PAX1: variants seen among roughly 807,000 people sequenced by gnomAD.
The protein encoded by PAX1 is paired box protein Pax-1.
In PAX1, 18 loss-of-function variants were observed where a neutral mutation model predicts 35.6. The observed-to-expected ratio is 0.50, with a 90% CI of 0.35 to 0.75. The LOEUF is 0.75. PAX1 is among the 30% of genes least tolerant of loss of function. The pLI is 0.01. For synonymous variants in PAX1, 397 were observed against 305.2 expected (o/e 1.30, Z -3.14); for missense variants, 760 against 661.5 (o/e 1.15, Z -1.63).
chr20:21,708,481 C>G (rs7509384), intron 2 of PAX1, 77 bp from the exon 3 acceptor site: 268 of 1,562,818 alleles, frequency 1.7e-4, no homozygotes, highest in Admixed American at 3.3e-4. Context: ...TCTTCAGATA[C>G]AAATTGGGTG....
intron 2 of PAX1, chr20:21,708,282 C>T: frequency 5.2e-6 from 3 of 571,744 alleles, no homozygotes; most frequent in Non-Finnish European, 9.5e-6. Context: ...CCGCTTTGGC[C>T]GAGTCTGCCC....
At chr20:21,712,748 C>T (rs540692348) in intron 4 of PAX1, among the ~76,000 whole-genome samples, 4 of 152,358 alleles carry the variant, frequency 2.6e-5, no homozygotes, top group South Asian at 4.1e-4. Context: ...TAAAAGTAAA[C>T]TTTGTCAAAG....
Position 21,715,029 on chromosome 20 carries a change from A to T in PAX1, c.*467A>T. On this transcript the variant is annotated 3_prime_UTR_variant, in exon 5 of 5. Transcript: ENST00000613128. ...CTTCCAGGGCTCCCTCTGCCCTTCC[A>T]CTCTCTTTTCCTTGCTCCGACCTCT... 1.7e-6 allele frequency: 1 copy of T among 595,914 alleles called. No homozygotes were observed. The highest frequency in any genetic ancestry group is 2.9e-6 in the Non-Finnish European group (1 of 339,396). The allele number at this position is 595,914 out of a possible 1,614,324, so 36.9% of individuals were successfully genotyped here. A position where few individuals can be genotyped will look rare whatever the true frequency, so the allele number is the denominator to read the frequency against.
intron 4 of PAX1, among the ~76,000 whole-genome samples, chr20:21,712,038 C>G (rs1308812261): frequency 1.3e-5 from 2 of 152,150 alleles, no homozygotes; most frequent in Non-Finnish European, 2.9e-5. Context: ...TAATGAAAAG[C>G]AATTTAATAC....
In PAX1 at chr20:21,706,373, A is replaced by C. The variant is rs1450843256; in HGVS notation, c.287-65A>C. 1 of 1,594,932 alleles carries C rather than the reference A, an allele frequency of 6.3e-7. No homozygotes were observed. On this transcript the variant is annotated intron_variant, in intron 1 of 4. Transcript: ENST00000613128. This position sits in a 1 kb window ranked among gnomAD's most constrained non-coding sequence, Gnocchi z 5.3. ...GTGCAGTCCCTCGCTCCGCGTGGGG[A>C]CCCTTGGCTAACCCGCCGGGTGTTT...
At chr20:21,710,245 G>T (rs1379839093) in intron 4 of PAX1, among the ~76,000 whole-genome samples, 2 of 152,076 alleles carry the variant, frequency 1.3e-5, no homozygotes, top group African/African-American at 4.8e-5. Context: ...AGTGTGAGGG[G>T]GATCTTCTCA....
At chr20:21,708,457 G>A (rs1985085488) in intron 2 of PAX1, 101 bp from the exon 3 acceptor site, 2 of 1,397,958 alleles carry the variant, frequency 1.4e-6, no homozygotes, top group Admixed American at 1.7e-5. Context: ...AATTTTGTGG[G>A]ACCCCTGGCC....
intron 4 of PAX1, among the ~76,000 whole-genome samples, chr20:21,713,342 T>G (rs1985254690): frequency 6.6e-6 from 1 of 151,510 alleles, no homozygotes; most frequent in African/African-American, 2.4e-5. Context: ...TCTTTAGACC[T>G]CTTTAAAACC....
chr20:21,714,867 T>A lies in PAX1; in HGVS notation c.*305T>A. 7.1e-7 allele frequency: 1 copy of A among 1,404,390 alleles called. No homozygotes were observed. The highest frequency in any genetic ancestry group is 1.4e-5 in the African/African-American group (1 of 71,232). The allele number at this position is 1,404,390 out of a possible 1,614,324, so 87.0% of individuals were successfully genotyped here. A position where few individuals can be genotyped will look rare whatever the true frequency, so the allele number is the denominator to read the frequency against. On this transcript the variant is annotated 3_prime_UTR_variant, in exon 5 of 5. Transcript: ENST00000613128. ...CCTCCTTCGCTCTGCCAGCTTCAAA[T>A]TTCTTTTTTGTCACTCCCTTGTCCG... is the stretch of plus-strand genomic sequence containing the variant.
chr20:21,713,985 C>G (rs1600329494), intron 4 of PAX1, among the ~76,000 whole-genome samples: 1 of 152,256 alleles, frequency 6.6e-6, no homozygotes, highest in African/African-American at 2.4e-5. Context: ...ACAGCGAGCT[C>G]CGAGCCGCGG....
intron 4 of PAX1, among the ~76,000 whole-genome samples, chr20:21,709,921 C>G (rs991228094): frequency 6.6e-6 from 1 of 152,064 alleles, no homozygotes; most frequent in Non-Finnish European, 1.5e-5. Context: ...AGACCCTTCC[C>G]GTCTCTGCCC....
chr20:21,710,745 T>C (rs1398311740), intron 4 of PAX1, among the ~76,000 whole-genome samples: 1 of 152,128 alleles, frequency 6.6e-6, no homozygotes, highest in Non-Finnish European at 1.5e-5. Flanking sequence ...AACAGTGAAA[T>C]GAAGGGAGAA....
intron 3 of PAX1, 61 bp from the exon 4 acceptor site, chr20:21,709,161 A>T: frequency 7.9e-7 from 1 of 1,269,704 alleles, no homozygotes; most frequent in Non-Finnish European, 1.1e-6. Flanking sequence ...CGTCTCAGTG[A>T]TGGCGTGGGC....
intron 4 of PAX1, among the ~76,000 whole-genome samples, chr20:21,712,606 A>T (rs1411321659): frequency 6.6e-6 from 1 of 152,244 alleles, no homozygotes; most frequent in African/African-American, 2.4e-5. Context: ...CTCTGGAATG[A>T]CTAAAGATTT....
chr20:21,705,704 C>T lies in PAX1; in HGVS notation c.-9C>T, dbSNP rs1416402991. The T allele has an allele frequency of 2.4e-6, 3 of 1,242,588 alleles. No individual in the cohort carries two copies. The highest frequency in any genetic ancestry group is 6.4e-5 in the East Asian group (2 of 31,334). 77.0% of individuals were successfully genotyped at this position (1,242,588 alleles called of 1,614,324 possible). Reference sequence around the variant, plus strand: ...CAGCCTCCCGGTCAGACGAATTTCTCCCAATCGGATGAAGTTCACCCTGGG... The same window carrying T: ...CAGCCTCCCGGTCAGACGAATTTCTTCCAATCGGATGAAGTTCACCCTGGG... On this transcript the variant is annotated 5_prime_UTR_variant, in exon 1 of 5. Coordinates refer to ENST00000613128, the MANE Select transcript of PAX1 (RefSeq NM_001257096.2).
chr20:21,708,199 A>G, intron 2 of PAX1: 1 of 421,298 alleles, frequency 2.4e-6, no homozygotes, highest in South Asian at 2.2e-5. Flanking sequence ...TGAGAAATCA[A>G]TACAATTTTC....
chr20:21,711,853 A>T (rs1985207896), intron 4 of PAX1, among the ~76,000 whole-genome samples: 1 of 152,226 alleles, frequency 6.6e-6, no homozygotes. Context: ...CTTTGGAAAG[A>T]CAGAAAAATA....
Position 21,714,812 on chromosome 20 carries a change from AC to A in PAX1, c.*253del. 6.3e-7 allele frequency: 1 copy of A among 1,596,510 alleles called. No homozygotes were observed. Among genetic ancestry groups the A allele is most frequent in the Non-Finnish European group, 8.5e-7 (1 of 1,176,920 alleles). The stretch of plus-strand genomic sequence containing the variant: ...CTGAACTTGGGTTTTAGACTGCCGT[AC>A]CCTCCTCACAATCCTTGCTCTGACG... On this transcript the variant is annotated 3_prime_UTR_variant, in exon 5 of 5. Transcript: ENST00000613128.
chr20:21,715,024 C>T lies in PAX1; in HGVS notation c.*462C>T. The T allele has an allele frequency of 1.6e-6, 1 of 622,304 alleles. No homozygotes were observed. The highest frequency in any genetic ancestry group is 2.9e-6 in the Non-Finnish European group (1 of 349,982). The allele number at this position is 622,304 out of a possible 1,614,324, so 38.5% of individuals were successfully genotyped here. On this transcript the variant is annotated 3_prime_UTR_variant, in exon 5 of 5. Coordinates refer to ENST00000613128, the MANE Select transcript of PAX1 (RefSeq NM_001257096.2). ...CCGACCTTCCAGGGCTCCCTCTGCC[C>T]TTCCACTCTCTTTTCCTTGCTCCGA...
Sources: allele counts gnomAD v4.1 joint callset (sites outside exome capture counted in the v4.1 genomes callset), GRCh38; gene constraint gnomAD v4.1.1; non-coding constraint Gnocchi (gnomAD v3.1); transcripts MANE v1.5; gene names NCBI Gene and HGNC (gene_info 2026-07-23, HGNC 2026-07-21).